Variants in LMBR1 observed in about 807,000 individuals in gnomAD.
LMBR1 encodes limb development membrane protein 1.
LMBR1 carries 52 observed loss-of-function variants against 73.9 expected under a neutral mutation model. The observed-to-expected ratio is 0.70, with a 90% CI of 0.56 to 0.89. The LOEUF is 0.89. Ranked by LOEUF, LMBR1 falls within the 40% of genes least tolerant of loss-of-function variation. LMBR1 has a pLI of 0.00. For synonymous variants in LMBR1, 215 were observed against 209.4 expected, an observed-to-expected ratio of 1.03 and a Z score of -0.23; for missense variants, 539 against 579.8, an observed-to-expected ratio of 0.93 and a Z score of 0.72.
chr7:156,719,430 C>T (rs1230979613), intron 15 of LMBR1, among the ~76,000 whole-genome samples: 3 of 151,618 alleles, frequency 2.0e-5, no homozygotes, highest in African/African-American at 4.9e-5. Context: ...TGAATAGTGC[C>T]GCAATAAACA....
In LMBR1 at chr7:156,826,748, G is replaced by C; in HGVS notation, c.180-4C>G. On this transcript the variant is annotated splice_region_variant and splice_polypyrimidine_tract_variant and intron_variant, in intron 3 of 16. Coordinates refer to ENST00000353442, the MANE Select transcript of LMBR1 (RefSeq NM_022458.4). ...AGTGAACGTGCTCAAAAACAACCTG[G>C]AAGAAAGGAGAGTCACCATCACAAG... The C allele has an allele frequency of 6.3e-7, 1 of 1,598,492 alleles. No individual in the cohort carries two copies. The highest frequency in any genetic ancestry group is 8.5e-7 in the Non-Finnish European group (1 of 1,170,826).
intron 9 of LMBR1, among the ~76,000 whole-genome samples, chr7:156,738,346 CA>C (rs1018866100): frequency 6.6e-6 from 1 of 152,204 alleles, no homozygotes; most frequent in Non-Finnish European, 1.5e-5. Flanking sequence ...AGCTTCTCAG[CA>C]AGCCTCACCA....
chr7:156,840,146 TA>T (rs1277222909), intron 1 of LMBR1, among the ~76,000 whole-genome samples: 10 of 152,192 alleles, frequency 6.6e-5, no homozygotes, highest in African/African-American at 2.4e-4. Context: ...AAACAATTTT[TA>T]CTGTGGGCTT....
chr7:156,881,065 C>T (rs1261264687), intron 1 of LMBR1, among the ~76,000 whole-genome samples: 1 of 152,166 alleles, frequency 6.6e-6, no homozygotes, highest in African/African-American at 2.4e-5. Flanking sequence ...AAGTTGGTGG[C>T]ATCACACCTC....
Position 156,892,973 on chromosome 7 carries a change from C to T in LMBR1, c.21G>A (p.Val7=). 1 of 1,542,316 alleles carries T rather than the reference C, an allele frequency of 6.5e-7. No individual in the cohort carries two copies. Among genetic ancestry groups the T allele is most frequent in the African/African-American group, 1.4e-5 (1 of 70,236 alleles). Residue 7 remains valine (V), a synonymous_variant, in exon 1 of 17, where the codon GTG becomes GTA. Transcript: ENST00000353442. The stretch of plus-strand genomic sequence containing the variant: ...TGTGGAAGTGCTGCTCCCGCGCCGA[C>T]ACCTCGTCCTGCCCTTCCATCCTCC... MEGQDE[V]SAREQHFHSQ... is the part of the protein sequence containing the mutation.
chr7:156,738,300 C>T (rs1818271929), intron 9 of LMBR1, among the ~76,000 whole-genome samples: 1 of 152,166 alleles, frequency 6.6e-6, no homozygotes, highest in Non-Finnish European at 1.5e-5. Flanking sequence ...CAGCCCTAGC[C>T]AGAAAGAAAT....
chr7:156,834,282 C>A (rs1443199979), intron 2 of LMBR1, among the ~76,000 whole-genome samples: 1 of 151,994 alleles, frequency 6.6e-6, no homozygotes, highest in Non-Finnish European at 1.5e-5. Flanking sequence ...GATACTACTG[C>A]CTCAGTAACT....
At chr7:156,867,188 G>C (rs959049202) in intron 1 of LMBR1, among the ~76,000 whole-genome samples, 2 of 152,214 alleles carry the variant, frequency 1.3e-5, no homozygotes, top group East Asian at 3.8e-4. Context: ...TTAGTCATCA[G>C]TAAAATGCAA....
At chr7:156,719,772 T>C (rs1478209800) in intron 15 of LMBR1, among the ~76,000 whole-genome samples, 3 of 152,044 alleles carry the variant, frequency 2.0e-5, no homozygotes, top group Admixed American at 6.5e-5. Context: ...ATCAATGGAA[T>C]AGAACAGAGC....
At chr7:156,706,205 C>A (rs201382299) in intron 15 of LMBR1, among the ~76,000 whole-genome samples, 14 of 120,702 alleles carry the variant, frequency 1.2e-4, no homozygotes, top group Non-Finnish European at 1.9e-4. Context: ...GATAAAGGGA[C>A]CTATTCAGCA....
At chr7:156,888,521 A>T (rs1387703275) in intron 1 of LMBR1, among the ~76,000 whole-genome samples, 2 of 152,208 alleles carry the variant, frequency 1.3e-5, no homozygotes, top group Non-Finnish European at 2.9e-5. Flanking sequence ...TGATCACAGC[A>T]GCATTATTCA....
chr7:156,840,964 C>CAAAAAA (rs57968006), intron 1 of LMBR1, among the ~76,000 whole-genome samples: 15 of 70,722 alleles, frequency 2.1e-4, no homozygotes, highest in South Asian at 5.8e-4. Flanking sequence ...GACTCGGTCT[C>CAAAAAA]AAAAAAAAAA....
At chr7:156,753,251 G>A (rs1402049179) in intron 9 of LMBR1, among the ~76,000 whole-genome samples, 1 of 152,072 alleles carries the variant, frequency 6.6e-6, no homozygotes, top group Non-Finnish European at 1.5e-5. Context: ...CACAGAATCA[G>A]AGAAGGATTA....
At chr7:156,808,324 C>T (rs897625101) in intron 4 of LMBR1, among the ~76,000 whole-genome samples, 2 of 152,108 alleles carry the variant, frequency 1.3e-5, no homozygotes, top group Non-Finnish European at 2.9e-5. Context: ...GGTGAACAAA[C>T]CACTTCAACA....
At position 156,795,655 on chromosome 7, in the gene LMBR1, C is replaced by T. The variant is rs1406881257; in HGVS notation, c.423+734G>A. ...CACAGCTTCAACCTGCAGGCTCAAGCAATCCTCCCACCTTAGTCTCCAGAG... is the reference window on the plus strand; with the variant it reads ...CACAGCTTCAACCTGCAGGCTCAAGTAATCCTCCCACCTTAGTCTCCAGAG... On this transcript the variant is annotated intron_variant, in intron 5 of 16. Transcript: ENST00000353442. 2.0e-5 allele frequency among the ~76,000 whole-genome samples: 3 copies of T among 152,272 alleles called. No individual in the cohort carries two copies. In the East Asian group the frequency reaches 5.8e-4, roughly 29 times the overall value.
chr7:156,718,201 A>G (rs1253302821), intron 15 of LMBR1, among the ~76,000 whole-genome samples: 2 of 151,334 alleles, frequency 1.3e-5, no homozygotes, highest in Admixed American at 1.3e-4. Context: ...GGAGTTTCAG[A>G]CCAGCCTGGG....
chr7:156,761,935 C>A (rs541910184), intron 8 of LMBR1, among the ~76,000 whole-genome samples, 199 bp downstream of exon 8: 48 of 146,934 alleles, frequency 3.3e-4, no homozygotes, highest in African/African-American at 1.1e-3. Flanking sequence ...CGAGATCGCA[C>A]CACTGCACTC....
chr7:156,732,610 C>A (rs1300098314), intron 10 of LMBR1, among the ~76,000 whole-genome samples: 1 of 152,146 alleles, frequency 6.6e-6, no homozygotes, highest in Non-Finnish European at 1.5e-5. Context: ...AAACAGCACT[C>A]AACAATCACA....
chr7:156,861,554 T>C (rs1022478465), intron 1 of LMBR1, among the ~76,000 whole-genome samples: 1 of 152,218 alleles, frequency 6.6e-6, no homozygotes, highest in East Asian at 1.9e-4. Flanking sequence ...TGCAGCCAGC[T>C]TGAATTTCTC....
Sources: allele counts gnomAD v4.1 joint callset (sites outside exome capture counted in the v4.1 genomes callset), GRCh38; gene constraint gnomAD v4.1.1; transcripts MANE v1.5; gene names NCBI Gene and HGNC (gene_info 2026-07-23, HGNC 2026-07-21).